Variants in SLC4A7 observed in about 807,000 individuals in gnomAD.
SLC4A7 encodes the protein sodium bicarbonate cotransporter 3.
Under a neutral mutation model 137.6 loss-of-function variants are expected in SLC4A7, and 51 were observed. That is an observed-to-expected ratio of 0.37 (90% CI 0.30 to 0.47). The LOEUF is 0.47. Among genes scored for constraint, SLC4A7 ranks in the 20% least tolerant of loss-of-function variants. The probability of loss-of-function intolerance (pLI) is 1.00; values close to 1 mark genes in which losing one functional copy is unlikely to be tolerated. For synonymous variants in SLC4A7, 542 were observed against 518.6 expected (o/e 1.05, Z -0.61); for missense variants, 1,247 against 1,525.4 (o/e 0.82, Z 3.04).
intron 3 of SLC4A7, among the ~76,000 whole-genome samples, chr3:27,447,777 T>C (rs1183210300): frequency 6.6e-6 from 1 of 151,882 alleles, no homozygotes; most frequent in East Asian, 1.9e-4. Flanking sequence ...ACCACTAACT[T>C]CTCTGCTTTC....
chr3:27,432,217 A>G (rs2150376190), intron 6 of SLC4A7, among the ~76,000 whole-genome samples: 1 of 152,318 alleles, frequency 6.6e-6, no homozygotes, highest in Non-Finnish European at 1.5e-5. Flanking sequence ...CACCATCTAC[A>G]GGTGGTGCTG....
intron 8 of SLC4A7, among the ~76,000 whole-genome samples, chr3:27,423,079 T>G (rs1317427122): frequency 6.6e-6 from 1 of 152,202 alleles, no homozygotes; most frequent in African/African-American, 2.4e-5. Context: ...CAGAAAAATT[T>G]AAAATACAAC....
chr3:27,483,972 G>T, intron 1 of SLC4A7, 95 bp downstream of exon 1: 1 of 994,042 alleles, frequency 1.0e-6, no homozygotes, highest in East Asian at 3.6e-5. Context: ...GGGACGAGGT[G>T]GCCGAGCCGC....
rs558683189 is a variant in SLC4A7 at position 27,405,812 on chromosome 3, TAA to T, written c.1942-851_1942-850del. On this transcript the variant is annotated intron_variant, in intron 13 of 25. Transcript: ENST00000454389. ...GCAACCATAAATGACAAAGTATCAC[TAA>T]AGTTTGGCAAGAAAAGATAGAGAAA... 2.3e-3 allele frequency among the ~76,000 whole-genome samples: 354 copies of T among 152,218 alleles called. 2 individuals carry two copies. Among genetic ancestry groups the T allele is most frequent in the African/African-American group, 8.2e-3 (340 of 41,528 alleles).
At chr3:27,387,392 C>T (rs181109549) in intron 22 of SLC4A7, among the ~76,000 whole-genome samples, 42 of 152,250 alleles carry the variant, frequency 2.8e-4, no homozygotes, top group Middle Eastern at 3.4e-3. Context: ...CAGAACATTT[C>T]TACCATCCAT....
At chr3:27,409,773 C>A (rs1173260869) in intron 12 of SLC4A7, among the ~76,000 whole-genome samples, 1 of 152,082 alleles carries the variant, frequency 6.6e-6, no homozygotes, top group Non-Finnish European at 1.5e-5. Context: ...GAAAAGACTG[C>A]AGGCAAATGA....
chr3:27,472,772 T>A (rs1576663475), intron 1 of SLC4A7, among the ~76,000 whole-genome samples: 1 of 152,318 alleles, frequency 6.6e-6, no homozygotes, highest in East Asian at 1.9e-4. Context: ...TCTATCAAAA[T>A]TCCTTTTCAA....
chr3:27,438,134 T>C (rs779749942), intron 3 of SLC4A7, among the ~76,000 whole-genome samples: 3 of 149,876 alleles, frequency 2.0e-5, no homozygotes, highest in African/African-American at 4.9e-5. Flanking sequence ...GAAGTGGAGA[T>C]TGCAGTGAGC....
chr3:27,384,992 G>A (rs2050793174), intron 23 of SLC4A7, among the ~76,000 whole-genome samples: 1 of 151,904 alleles, frequency 6.6e-6, no homozygotes, highest in Non-Finnish European at 1.5e-5. Context: ...TAACTCTGAA[G>A]AAAACCAAAA....
In SLC4A7 at chr3:27,431,648, C is replaced by T. The variant is rs145640462; in HGVS notation, c.800G>A (p.Arg267His). 5.6e-5 allele frequency: 88 copies of T among 1,579,488 alleles called. No homozygotes were observed. In the African/African-American group the frequency reaches 1.1e-3, roughly 19 times the overall value. ...AGACAGACCTGTTCGCAAAGAGTGG[C>T]GGGAGGCTGAAAGGCCTTCCCCTGA... ...ERNGEGLSAS[R>H]HSLRTGLSAS... The change falls in exon 7 of 26, where the codon CGC (arginine) becomes CAC (histidine). Residue 267 changes from arginine to histidine, a missense_variant. Arg to His is a conservative substitution (Grantham distance 29, BLOSUM62 0). Coordinates refer to ENST00000454389, the MANE Select transcript of SLC4A7 (RefSeq NM_001321103.2).
At chr3:27,430,763 C>CAG (rs2056193951) in intron 7 of SLC4A7, among the ~76,000 whole-genome samples, 1 of 151,648 alleles carries the variant, frequency 6.6e-6, no homozygotes, top group Admixed American at 6.6e-5. Context: ...ACCCAGGGAG[C>CAG]AGAGGCTGCA....
rs547589480 is a variant in SLC4A7, at chr3:27,436,209, T to C, written c.589+179A>G. Among the ~76,000 whole-genome samples the C allele has an allele frequency of 5.3e-5, 8 of 152,362 alleles. No individual in the cohort carries two copies. In the South Asian group the frequency reaches 1.4e-3, roughly 28 times the overall value. On this transcript the variant is annotated intron_variant, in intron 5 of 25. Coordinates refer to ENST00000454389, the MANE Select transcript of SLC4A7 (RefSeq NM_001321103.2). ...CTTGTGCCACTATTCACTCTCTTACTGATACTACACTTATGTCGGTTTAAT... is the reference window on the plus strand; with the variant it reads ...CTTGTGCCACTATTCACTCTCTTACCGATACTACACTTATGTCGGTTTAAT...
chr3:27,399,750 G>A (rs1250418895), intron 16 of SLC4A7, among the ~76,000 whole-genome samples: 1 of 152,074 alleles, frequency 6.6e-6, no homozygotes. Context: ...AATCAGCACT[G>A]CCCAATAGAT....
chr3:27,470,834 C>T (rs2150701378), intron 1 of SLC4A7, among the ~76,000 whole-genome samples: 1 of 152,140 alleles, frequency 6.6e-6, no homozygotes, highest in East Asian at 1.9e-4. Context: ...CCCAGCTACT[C>T]CAGAGACTGA....
chr3:27,484,332 G>A lies in SLC4A7; in HGVS notation c.-206C>T, dbSNP rs1407401737. On this transcript the variant is annotated 5_prime_UTR_variant, in exon 1 of 26. Transcript: ENST00000454389. ...GTGCGTGTGCGCGCTGCGACTGCTG[G>A]GCTGGCTTTAGTAGGAGAGCGAGGC... 2 of 356,896 alleles carry A rather than the reference G, an allele frequency of 5.6e-6. No homozygotes were observed. Among genetic ancestry groups the A allele is most frequent in the African/African-American group, 2.1e-5 (1 of 46,858 alleles). The allele number at this position is 356,896 out of a possible 1,614,324, so 22.1% of individuals were successfully genotyped here. A position where few individuals can be genotyped will look rare whatever the true frequency, so the allele number is the denominator to read the frequency against.
intron 24 of SLC4A7, among the ~76,000 whole-genome samples, chr3:27,380,421 T>C (rs2050304411): frequency 6.6e-6 from 1 of 151,974 alleles, no homozygotes; most frequent in Admixed American, 6.6e-5. Flanking sequence ...AATCCAATAA[T>C]ATCCATAAAT....
At chr3:27,458,041 A>G (rs940057556) in intron 1 of SLC4A7, among the ~76,000 whole-genome samples, 1 of 152,186 alleles carries the variant, frequency 6.6e-6, no homozygotes, top group Non-Finnish European at 1.5e-5. Context: ...CAGCTAGTTG[A>G]GTTCACAATT....
intron 1 of SLC4A7, among the ~76,000 whole-genome samples, chr3:27,471,875 C>A (rs34422761): frequency 0.22 from 33,257 of 152,132 alleles, 3,729 homozygotes; most frequent in Non-Finnish European, 0.25. Flanking sequence ...TTTGTTAGCC[C>A]ATGCTCATTT....
chr3:27,442,810 G>A (rs2057303632), intron 3 of SLC4A7, among the ~76,000 whole-genome samples: 1 of 152,048 alleles, frequency 6.6e-6, no homozygotes, highest in Admixed American at 6.5e-5. Context: ...GTGAGATGGA[G>A]TCCTGCTAAC....
Sources: gnomAD v4.1 joint callset for allele counts (sites outside exome capture counted in the v4.1 genomes callset) on GRCh38, gnomAD v4.1.1 for gene constraint, MANE v1.5 for transcripts, NCBI Gene and HGNC (gene_info 2026-07-23, HGNC 2026-07-21) for gene names.